The following LTAP1 variants were observed in gnomAD, a reference collection of about 807,000 sequenced individuals.
LTAP1 encodes the protein HCV NS5A-transactivated protein 4.
At chr1:154,212,772 T>G in the LTAP1 span, 3 of 764,180 alleles carry the variant, frequency 3.9e-6, no homozygotes, top group East Asian at 2.8e-5. Flanking sequence ...AGCAATTCTC[T>G]AGTCTCAGCC....
At chr1:154,212,049 G>T in the LTAP1 span, 1 of 391,342 alleles carries the variant, frequency 2.6e-6, no homozygotes, top group South Asian at 2.5e-5. Flanking sequence ...AGAGAACGGG[G>T]TTTCTCCATG....
the LTAP1 span, among the ~76,000 whole-genome samples, chr1:154,211,070 G>A: frequency 3.2e-4 from 49 of 151,740 alleles, no homozygotes; most frequent in Admixed American, 5.3e-4. Context: ...GCAATGGCAT[G>A]ATATCGGCTC....
the LTAP1 span, chr1:154,220,068 C>A: frequency 8.2e-6 from 7 of 855,298 alleles, 1 homozygote; most frequent in Admixed American, 2.7e-5. Context: ...AAACTTGGGG[C>A]AAAGCAAGGC....
the LTAP1 span, chr1:154,212,551 A>T: frequency 6.2e-7 from 1 of 1,614,208 alleles, no homozygotes; most frequent in Non-Finnish European, 8.5e-7. Flanking sequence ...TGTTTCGCAG[A>T]TCCAGCAGGT....
chr1:154,215,092 GC>G, the LTAP1 span, among the ~76,000 whole-genome samples: 1 of 152,016 alleles, frequency 6.6e-6, no homozygotes, highest in Non-Finnish European at 1.5e-5. Flanking sequence ...TGATCCGCCT[GC>G]CTTGGCCTCC....
chr1:154,211,324 C>CTTTTT, the LTAP1 span, among the ~76,000 whole-genome samples: 133 of 34,052 alleles, frequency 3.9e-3, 6 homozygotes, highest in Middle Eastern at 0.026. Flanking sequence ...TTATTTAATT[C>CTTTTT]TTTTTTTTTT....
At chr1:154,211,302 C>A in the LTAP1 span, among the ~76,000 whole-genome samples, 4 of 136,080 alleles carry the variant, frequency 2.9e-5, no homozygotes, top group African/African-American at 8.3e-5. Context: ...CGCGCCCGGC[C>A]AAAAATAGAT....
chr1:154,209,736 G>A, the LTAP1 span, among the ~76,000 whole-genome samples: 1 of 151,412 alleles, frequency 6.6e-6, no homozygotes, highest in African/African-American at 2.4e-5. Context: ...ACAGGCACCC[G>A]CCACCACGCC....
At chr1:154,214,891 C>A in the LTAP1 span, among the ~76,000 whole-genome samples, 32 of 150,028 alleles carry the variant, frequency 2.1e-4, no homozygotes, top group Non-Finnish European at 3.8e-4. Flanking sequence ...ATCACCCAGG[C>A]TGGAGTGCAG....
the LTAP1 span, chr1:154,212,079 A>G: frequency 1.1e-5 from 5 of 468,980 alleles, no homozygotes; most frequent in African/African-American, 2.0e-5. Context: ...CTGGTCTCGG[A>G]TTCCCAACCT....
the LTAP1 span, among the ~76,000 whole-genome samples, chr1:154,210,577 A>C: frequency 2.0e-5 from 3 of 152,162 alleles, no homozygotes; most frequent in Non-Finnish European, 4.4e-5. Flanking sequence ...TCCCAGGTTC[A>C]AGCGATTCTC....
chr1:154,207,153 C>A, the LTAP1 span: 2 of 275,826 alleles, frequency 7.3e-6, no homozygotes, highest in Non-Finnish European at 1.4e-5. Flanking sequence ...ATGGCTGAAA[C>A]CAAGTGAAGA....
the LTAP1 span, chr1:154,213,928 T>C: frequency 2.7e-5 from 43 of 1,612,924 alleles, no homozygotes; most frequent in Non-Finnish European, 3.1e-5. Context: ...TTTCATCCTA[T>C]ACAGATAGTT....
At chr1:154,214,875 TG>T in the LTAP1 span, among the ~76,000 whole-genome samples, 1 of 151,462 alleles carries the variant, frequency 6.6e-6, no homozygotes, top group Admixed American at 6.6e-5. Context: ...GACAGAGTCT[TG>T]CTCTATCACC....
chr1:154,215,173 G>C, the LTAP1 span, among the ~76,000 whole-genome samples: 2 of 151,908 alleles, frequency 1.3e-5, no homozygotes, highest in Non-Finnish European at 1.5e-5. Context: ...TGAGCAGCTA[G>C]GATTACAGGT....
At chr1:154,216,340 ATTTT>A in the LTAP1 span, among the ~76,000 whole-genome samples, 1 of 149,168 alleles carries the variant, frequency 6.7e-6, no homozygotes, top group Non-Finnish European at 1.5e-5. Flanking sequence ...TAAAAAAAAA[ATTTT>A]TTTTTTTTGA....
At chr1:154,212,173 G>GT in the LTAP1 span, 2 of 903,366 alleles carry the variant, frequency 2.2e-6, no homozygotes, top group Non-Finnish European at 3.6e-6. Context: ...GCTTTCTAAT[G>GT]TAAGAGACTG....
chr1:154,220,196 AACTCCC>A, the LTAP1 span: 1 of 1,046,956 alleles, frequency 9.6e-7, no homozygotes, highest in Non-Finnish European at 1.5e-6. Context: ...AAGTGACTTA[AACTCCC>A]ACCTACTCCT....
At chr1:154,218,014 G>GT in the LTAP1 span, among the ~76,000 whole-genome samples, 1 of 152,088 alleles carries the variant, frequency 6.6e-6, no homozygotes, top group African/African-American at 2.4e-5. Context: ...ACTGCAGTCT[G>GT]TAACTCCTGG....
Sources: gnomAD v4.1 joint callset for allele counts (sites outside exome capture counted in the v4.1 genomes callset) on GRCh38, gnomAD v4.1.1 for gene constraint, MANE v1.5 for transcripts, NCBI Gene and HGNC (gene_info 2026-07-23, HGNC 2026-07-21) for gene names.